The following KDM4C variants were observed in gnomAD, a reference collection of about 807,000 sequenced individuals.
KDM4C encodes lysine-specific demethylase 4C.
In KDM4C, 81 loss-of-function variants were observed where a neutral mutation model predicts 129.3. The observed-to-expected ratio is 0.63, with a 90% confidence interval of 0.52 to 0.75. The LOEUF is 0.75. Ranked by LOEUF, KDM4C falls within the 30% of genes least tolerant of loss-of-function variation. KDM4C has a pLI of 0.00. For synonymous variants in KDM4C, 573 were observed against 456.1 expected (o/e 1.26, Z -3.26); for missense variants, 1,457 against 1,304.0 (o/e 1.12, Z -1.81).
At chr9:7,005,881 T>C (rs893867149) in intron 12 of KDM4C, among the ~76,000 whole-genome samples, 1 of 152,078 alleles carries the variant, frequency 6.6e-6, no homozygotes, top group African/African-American at 2.4e-5. Context: ...ATTATTTTAA[T>C]TTATTCTGAT....
intron 5 of KDM4C, among the ~76,000 whole-genome samples, chr9:6,864,161 C>T (rs998425676): frequency 6.6e-6 from 1 of 152,050 alleles, no homozygotes; most frequent in African/African-American, 2.4e-5. Context: ...TGAAGAATTC[C>T]CTTTAAGATT....
At chr9:7,047,972 G>C (rs1335282540) in intron 16 of KDM4C, among the ~76,000 whole-genome samples, 1 of 152,062 alleles carries the variant, frequency 6.6e-6, no homozygotes, top group Non-Finnish European at 1.5e-5. Context: ...TGATTGCTGG[G>C]AAGGAGGAGT....
At position 6,803,377 on chromosome 9, in the gene KDM4C, C is replaced by A. The variant is rs866959339; in HGVS notation, c.145-2222C>A. ...CACGCTGTCAAGAGATCGAGACCAT[C>A]CTGGCCAACATGGTGAAAACTCGTC... is the stretch of plus-strand genomic sequence containing the variant. On this transcript the variant is annotated intron_variant, in intron 2 of 21. Transcript: ENST00000381309. Among the ~76,000 whole-genome samples the A allele has an allele frequency of 3.5e-4, 53 of 151,990 alleles. No homozygotes were observed. In the Middle Eastern group the frequency reaches 0.02, roughly 59 times the overall value.
chr9:6,835,260 A>G lies in KDM4C; in HGVS notation c.436-14247A>G, dbSNP rs537392792. ...TCCAGCTTTCCTTCCTGGGCATGGA[A>G]TCCTGTGGCATCCATGAAACTACCT... On this transcript the variant is annotated intron_variant, in intron 4 of 21. Coordinates refer to ENST00000381309, the MANE Select transcript of KDM4C (RefSeq NM_015061.6). The G allele has an allele frequency of 1.0e-5, 9 of 903,954 alleles. No homozygotes were observed. The African/African-American group carries it at 1.5e-4, about 15-fold the overall frequency. The allele number at this position is 903,954 out of a possible 1,614,324, so 56.0% of individuals were successfully genotyped here.
chr9:7,039,217 A>G (rs981963616), intron 15 of KDM4C, among the ~76,000 whole-genome samples: 7 of 152,024 alleles, frequency 4.6e-5, no homozygotes, highest in East Asian at 1.9e-4. Flanking sequence ...CATAACACAT[A>G]AACACACACT....
At chr9:6,966,229 C>T (rs979343591) in intron 8 of KDM4C, among the ~76,000 whole-genome samples, 1 of 152,118 alleles carries the variant, frequency 6.6e-6, no homozygotes, top group Non-Finnish European at 1.5e-5. Context: ...GTCTCCCAGG[C>T]TGGAGTGCAG....
Position 6,835,673 on chromosome 9 carries a change from G to GT in KDM4C, c.436-13830dup, listed in dbSNP as rs1029814450. 2.2e-5 allele frequency: 16 copies of GT among 728,200 alleles called. No homozygotes were observed. In the African/African-American group the frequency reaches 2.5e-4, roughly 11 times the overall value. 45.1% of individuals were successfully genotyped at this position (728,200 alleles called of 1,614,324 possible). A position where few individuals can be genotyped will look rare whatever the true frequency, so the allele number is the denominator to read the frequency against. On this transcript the variant is annotated intron_variant, in intron 4 of 21. Transcript: ENST00000381309. ...TTGGCATGGCTTTATTTTTTGTTTT[G>GT]TTTTGTTTTTGTTTTTGTTTTTGTT...
intron 17 of KDM4C, among the ~76,000 whole-genome samples, chr9:7,067,986 C>A (rs559703886): frequency 6.6e-6 from 1 of 152,076 alleles, no homozygotes; most frequent in African/African-American, 2.4e-5. Flanking sequence ...TTAGTAGAGA[C>A]GGGGTTTCAC....
chr9:6,783,657 A>G (rs1824845676), intron 1 of KDM4C, among the ~76,000 whole-genome samples: 1 of 152,208 alleles, frequency 6.6e-6, no homozygotes, highest in African/African-American at 2.4e-5. Context: ...TGCAGTGACC[A>G]TCAGAGAGTG....
chr9:6,791,358 C>T (rs1406798319), intron 1 of KDM4C, among the ~76,000 whole-genome samples: 1 of 152,124 alleles, frequency 6.6e-6, no homozygotes, highest in Non-Finnish European at 1.5e-5. Context: ...AGTGATATGC[C>T]CGCCTCCAAA....
At chr9:6,993,540 C>T (rs1037082068) in intron 12 of KDM4C, among the ~76,000 whole-genome samples, 1 of 152,152 alleles carries the variant, frequency 6.6e-6, no homozygotes, top group Non-Finnish European at 1.5e-5. Context: ...ACGTATTCTT[C>T]TGTTGCCATT....
intron 8 of KDM4C, among the ~76,000 whole-genome samples, chr9:6,974,425 C>A (rs1394750206): frequency 6.6e-6 from 1 of 152,130 alleles, no homozygotes; most frequent in Non-Finnish European, 1.5e-5. Flanking sequence ...AGTTGTGCGA[C>A]CGCGGCTCAC....
At chr9:7,163,667 T>C (rs1176764849) in intron 19 of KDM4C, among the ~76,000 whole-genome samples, 1 of 151,964 alleles carries the variant, frequency 6.6e-6, no homozygotes, top group Non-Finnish European at 1.5e-5. Context: ...AAGCTATACC[T>C]TCCAGTGTTC....
intron 4 of KDM4C, among the ~76,000 whole-genome samples, chr9:6,842,252 T>C (rs184309493): frequency 1.4e-4 from 22 of 152,228 alleles, no homozygotes; most frequent in African/African-American, 4.6e-4. Context: ...ATGGACTCTT[T>C]AATGCCTGCT....
At chr9:6,833,679 A>G (rs1026909376) in intron 4 of KDM4C, among the ~76,000 whole-genome samples, 1 of 152,354 alleles carries the variant, frequency 6.6e-6, no homozygotes, top group South Asian at 2.1e-4. Flanking sequence ...CACCTCGTAC[A>G]GGGCCTGCTC....
At chr9:7,010,956 A>G (rs1262046264) in intron 12 of KDM4C, among the ~76,000 whole-genome samples, 6 of 152,148 alleles carry the variant, frequency 3.9e-5, no homozygotes, top group Non-Finnish European at 5.9e-5. Context: ...AGGCGGTACA[A>G]TGGCTTGAAC....
At chr9:6,849,445 A>G (rs1223586796) in intron 4 of KDM4C, 62 bp from the exon 5 acceptor site, 2 of 1,386,906 alleles carry the variant, frequency 1.4e-6, no homozygotes, top group East Asian at 2.3e-5. Flanking sequence ...TGATTAGTAA[A>G]TGCTATCTTT....
chr9:7,077,244 A>T (rs1488083494), intron 17 of KDM4C: 1 of 984,714 alleles, frequency 1.0e-6, no homozygotes, highest in Non-Finnish European at 1.2e-6. Flanking sequence ...ATGGTGAATT[A>T]AAGATGCCAT....
At chr9:7,052,898 A>ACAGC (rs1830376812) in intron 17 of KDM4C, among the ~76,000 whole-genome samples, 12 of 47,614 alleles carry the variant, frequency 2.5e-4, no homozygotes, top group African/African-American at 5.5e-4. Flanking sequence ...AGAGAGAGAG[A>ACAGC]GAGCGAGCGA....
Sources: allele counts gnomAD v4.1 joint callset (sites outside exome capture counted in the v4.1 genomes callset), GRCh38; gene constraint gnomAD v4.1.1; transcripts MANE v1.5; gene names NCBI Gene and HGNC (gene_info 2026-07-23, HGNC 2026-07-21).